Variants in SGCD observed in about 807,000 individuals in gnomAD.
SGCD encodes sarcoglycan delta.
In SGCD, 18 loss-of-function variants were observed where a neutral mutation model predicts 36.6. That is an observed-to-expected ratio of 0.49 (90% CI 0.34 to 0.73). The LOEUF is 0.73. Among genes scored for constraint, SGCD ranks in the 30% least tolerant of loss-of-function variants. The pLI is 0.01. For synonymous variants in SGCD, 133 were observed against 130.6 expected, an observed-to-expected ratio of 1.02 and a Z score of -0.12; for missense variants, 387 against 346.7, an observed-to-expected ratio of 1.12 and a Z score of -0.92.
At chr5:156,249,564 T>C (rs1765524079) in intron 3 of SGCD, among the ~76,000 whole-genome samples, 1 of 152,206 alleles carries the variant, frequency 6.6e-6, no homozygotes, top group Non-Finnish European at 1.5e-5. Flanking sequence ...GGCAGAAATC[T>C]TTGGACTTGG....
intron 4 of SGCD, among the ~76,000 whole-genome samples, chr5:156,586,598 A>G (rs1280942884): frequency 1.3e-5 from 2 of 152,180 alleles, no homozygotes; most frequent in Non-Finnish European, 2.9e-5. Flanking sequence ...TTATATTTGT[A>G]TAGACTCATG....
At chr5:156,433,699 A>G (rs527889444) in intron 3 of SGCD, among the ~76,000 whole-genome samples, 1 of 152,324 alleles carries the variant, frequency 6.6e-6, no homozygotes, top group African/African-American at 2.4e-5. Flanking sequence ...AAAGTCTTTT[A>G]TCAGGGCAGA....
the SGCD span, among the ~76,000 whole-genome samples, chr5:155,820,337 A>G: frequency 6.6e-6 from 1 of 152,084 alleles, no homozygotes; most frequent in African/African-American, 2.4e-5. Context: ...TCTTCAATCT[A>G]TAGAGGTGAT....
the SGCD span, among the ~76,000 whole-genome samples, chr5:155,758,445 A>C: frequency 1.3e-5 from 2 of 152,200 alleles, no homozygotes; most frequent in African/African-American, 4.8e-5. Flanking sequence ...TGAAATTTGC[A>C]AAAAGATAAT....
intron 3 of SGCD, among the ~76,000 whole-genome samples, chr5:156,248,758 A>C (rs560162110): frequency 2.4e-4 from 37 of 152,358 alleles, no homozygotes; most frequent in African/African-American, 8.4e-4. Flanking sequence ...GTCAGGAGGC[A>C]ATGCAAGTTC....
At chr5:155,895,075 GACTT>G (rs1756217597) in intron 1 of SGCD, among the ~76,000 whole-genome samples, 1 of 152,146 alleles carries the variant, frequency 6.6e-6, no homozygotes, top group African/African-American at 2.4e-5. Context: ...CAAGCCTGTA[GACTT>G]ACTTCTGATC....
chr5:156,184,655 A>G (rs200490239), intron 3 of SGCD, among the ~76,000 whole-genome samples: 2,180 of 152,218 alleles, frequency 0.014, 23 homozygotes, highest in Non-Finnish European at 0.024. Context: ...TACAAACATA[A>G]AGAATATCAG....
chr5:156,274,717 C>T (rs1282775834), intron 3 of SGCD, among the ~76,000 whole-genome samples: 1 of 152,084 alleles, frequency 6.6e-6, no homozygotes, highest in African/African-American at 2.4e-5. Flanking sequence ...TCAACAGAGA[C>T]CACAGAGGGT....
intron 4 of SGCD, among the ~76,000 whole-genome samples, chr5:156,571,912 T>C (rs1338259840): frequency 6.6e-6 from 1 of 152,186 alleles, no homozygotes; most frequent in Non-Finnish European, 1.5e-5. Context: ...AGCAATCACT[T>C]TTATCTCTTT....
chr5:155,865,129 T>TAGATAGAG, the SGCD span, among the ~76,000 whole-genome samples: 1 of 152,096 alleles, frequency 6.6e-6, no homozygotes, highest in East Asian at 1.9e-4. Context: ...GATAGATAGA[T>TAGATAGAG]AGATATTTAC....
intron 1 of SGCD, among the ~76,000 whole-genome samples, chr5:156,079,866 G>A (rs1387551401): frequency 1.3e-5 from 2 of 152,192 alleles, no homozygotes; most frequent in Admixed American, 6.5e-5. Flanking sequence ...TTGGAATATG[G>A]AGGACCGTGG....
In SGCD at chr5:156,560,426, A is replaced by G. The variant is rs112100011; in HGVS notation, c.295-28805A>G. 2.6e-3 allele frequency among the ~76,000 whole-genome samples: 391 copies of G among 152,276 alleles called. 1 individual carries two copies. The highest frequency in any genetic ancestry group is 4.7e-3 in the Non-Finnish European group (318 of 68,024). On this transcript the variant is annotated intron_variant, in intron 4 of 8. Transcript: ENST00000337851. ...GAAAGAAAATCTTCTAATTTCTGAAATTTACTCCAAGCAACACCCAGAAAT... is the reference window on the plus strand; with the variant it reads ...GAAAGAAAATCTTCTAATTTCTGAAGTTTACTCCAAGCAACACCCAGAAAT...
At position 156,269,818 on chromosome 5, in the gene SGCD, T is replaced by A. The variant is rs374154896; in HGVS notation, c.-43-59716T>A. ...AAAGTTTGCAAAGGTTTTCTCCCAT[T>A]CTGTAGGTTTTCTGTTTACTCTGTT... On this transcript the variant is annotated intron_variant, in intron 3 of 9. Coordinates refer to the SGCD transcript ENST00000517913. 9.7e-4 allele frequency among the ~76,000 whole-genome samples: 148 copies of A among 152,336 alleles called. 2 individuals carry two copies. Among genetic ancestry groups the A allele is most frequent in the African/African-American group, 3.4e-3 (141 of 41,574 alleles).
intron 1 of SGCD, among the ~76,000 whole-genome samples, chr5:156,055,203 T>C (rs1405875263): frequency 6.8e-6 from 1 of 146,362 alleles, no homozygotes; most frequent in African/African-American, 2.5e-5. Flanking sequence ...TTTTTTTTCT[T>C]TCTTTCTTTC....
At chr5:156,667,414 C>A (rs1437584940) in intron 7 of SGCD, among the ~76,000 whole-genome samples, 2 of 152,184 alleles carry the variant, frequency 1.3e-5, no homozygotes, top group Non-Finnish European at 2.9e-5. Context: ...TTGTCTTCCT[C>A]TCTACTTCTC....
chr5:156,625,917 C>A (rs1762422974), intron 6 of SGCD, among the ~76,000 whole-genome samples: 1 of 152,054 alleles, frequency 6.6e-6, no homozygotes, highest in African/African-American at 2.4e-5. Flanking sequence ...GGGTATGTTA[C>A]AACACACTAG....
intron 3 of SGCD, among the ~76,000 whole-genome samples, chr5:156,492,023 G>T (rs1482970598): frequency 6.6e-6 from 1 of 152,062 alleles, no homozygotes; most frequent in African/African-American, 2.4e-5. Context: ...GACAATGATG[G>T]CTATTGTTAC....
intron 3 of SGCD, among the ~76,000 whole-genome samples, chr5:156,452,952 C>T (rs1315538591): frequency 6.6e-6 from 1 of 152,102 alleles, no homozygotes; most frequent in Non-Finnish European, 1.5e-5. Context: ...TTTACTATGA[C>T]CCAGCCGAAT....
chr5:155,736,108 T>G, the SGCD span, among the ~76,000 whole-genome samples: 1 of 152,206 alleles, frequency 6.6e-6, no homozygotes, highest in Non-Finnish European at 1.5e-5. Context: ...CACAGAAACA[T>G]GTGCAGTGTA....
Sources: gnomAD v4.1 joint callset for allele counts (sites outside exome capture counted in the v4.1 genomes callset) on GRCh38, gnomAD v4.1.1 for gene constraint, MANE v1.5 for transcripts, NCBI Gene and HGNC (gene_info 2026-07-23, HGNC 2026-07-21) for gene names.